The following WDR70 variants were observed in gnomAD, a reference collection of about 807,000 sequenced individuals.
The protein encoded by WDR70 is WD repeat domain 70.
WDR70 carries 53 observed loss-of-function variants against 88.6 expected under a neutral mutation model. That is an observed-to-expected ratio of 0.60 (90% CI 0.48 to 0.75). WDR70 has a LOEUF of 0.75. WDR70 is among the 30% of genes least tolerant of loss of function. The pLI is 0.00. For synonymous variants in WDR70, 280 were observed against 270.0 expected (o/e 1.04, Z -0.36); for missense variants, 610 against 823.2 (o/e 0.74, Z 3.17).
At chr5:37,698,780 T>G (rs1222792806) in intron 11 of WDR70, among the ~76,000 whole-genome samples, 1 of 152,198 alleles carries the variant, frequency 6.6e-6, no homozygotes, top group Non-Finnish European at 1.5e-5. Context: ...CCTGTCCTTT[T>G]ACCCTGGGGA....
chr5:37,462,004 G>A (rs1739020861), intron 7 of WDR70, among the ~76,000 whole-genome samples: 1 of 152,082 alleles, frequency 6.6e-6, no homozygotes, highest in Non-Finnish European at 1.5e-5. Context: ...TCTGGGAGGT[G>A]CTTTCCTAAT....
At chr5:37,641,411 CTTTTTTTTTTTTTT>C (rs70978833) in intron 10 of WDR70, among the ~76,000 whole-genome samples, 1 of 80,340 alleles carries the variant, frequency 1.2e-5, no homozygotes, top group East Asian at 3.8e-4. Context: ...TGTCCACATC[CTTTTTTTTTTTTTT>C]TTTTTTTTTA....
At chr5:37,610,056 C>G (rs748606008) in intron 10 of WDR70, among the ~76,000 whole-genome samples, 23 of 151,920 alleles carry the variant, frequency 1.5e-4, no homozygotes, top group Non-Finnish European at 3.4e-4. Context: ...TTTGGGAAAC[C>G]AAGGTGGGCA....
intron 12 of WDR70, among the ~76,000 whole-genome samples, chr5:37,702,211 A>G (rs561975618): frequency 6.6e-6 from 1 of 152,374 alleles, no homozygotes; most frequent in East Asian, 1.9e-4. Flanking sequence ...TAAAACGAAC[A>G]AACATGAGTT....
At chr5:37,414,781 ATTC>A (rs1749643056) in intron 5 of WDR70, among the ~76,000 whole-genome samples, 1 of 149,006 alleles carries the variant, frequency 6.7e-6, no homozygotes, top group Non-Finnish European at 1.5e-5. Flanking sequence ...AGTCACAATT[ATTC>A]TTTTTTTTTT....
chr5:37,655,319 T>G (rs1745521665), intron 10 of WDR70, among the ~76,000 whole-genome samples: 1 of 152,244 alleles, frequency 6.6e-6, no homozygotes, highest in African/African-American at 2.4e-5. Flanking sequence ...GCTGTTAGTC[T>G]GATGGGCTTC....
chr5:37,669,895 A>G (rs1221784418), intron 10 of WDR70, among the ~76,000 whole-genome samples: 1 of 152,260 alleles, frequency 6.6e-6, no homozygotes, highest in Non-Finnish European at 1.5e-5. Context: ...CAAAAACATT[A>G]CGCTAAATGA....
At chr5:37,422,162 C>T (rs1398070275) in intron 5 of WDR70, among the ~76,000 whole-genome samples, 1 of 151,992 alleles carries the variant, frequency 6.6e-6, no homozygotes, top group Non-Finnish European at 1.5e-5. Context: ...ATGATAGGCT[C>T]TTTAGAGATT....
At chr5:37,469,784 A>G (rs1220058500) in intron 7 of WDR70, among the ~76,000 whole-genome samples, 1 of 152,130 alleles carries the variant, frequency 6.6e-6, no homozygotes, top group Non-Finnish European at 1.5e-5. Context: ...GTGTGACCCC[A>G]TTTGACCTTT....
chr5:37,460,690 T>A (rs1216433411), intron 7 of WDR70, among the ~76,000 whole-genome samples: 51 of 121,520 alleles, frequency 4.2e-4, no homozygotes, highest in Non-Finnish European at 6.4e-4. Flanking sequence ...TAGAGTATAA[T>A]AAAAAAAAAC....
At chr5:37,741,816 G>A (rs189561599) in intron 17 of WDR70, among the ~76,000 whole-genome samples, 1 of 152,168 alleles carries the variant, frequency 6.6e-6, no homozygotes, top group Admixed American at 6.5e-5. Context: ...TTAACTCTAT[G>A]GATTTGACTA....
At chr5:37,748,796 A>G (rs1249865439) in intron 17 of WDR70, among the ~76,000 whole-genome samples, 4 of 152,240 alleles carry the variant, frequency 2.6e-5, no homozygotes, top group Non-Finnish European at 5.9e-5. Context: ...AAAGTGGGCA[A>G]AGGATATGAA....
chr5:37,608,068 G>A (rs1744086188), intron 10 of WDR70, among the ~76,000 whole-genome samples: 1 of 138,434 alleles, frequency 7.2e-6, no homozygotes. Context: ...TTGAGACGGA[G>A]TCTTGCTCTG....
At chr5:37,633,881 G>A (rs537544582) in intron 10 of WDR70, among the ~76,000 whole-genome samples, 43 of 152,190 alleles carry the variant, frequency 2.8e-4, no homozygotes, top group Non-Finnish European at 5.7e-4. Context: ...AACATATAGG[G>A]CTGTGTGTAT....
At chr5:37,640,812 A>T (rs532714585) in intron 10 of WDR70, among the ~76,000 whole-genome samples, 1 of 152,326 alleles carries the variant, frequency 6.6e-6, no homozygotes, top group South Asian at 2.1e-4. Context: ...TCAGTGATCT[A>T]AGCTAGAAAT....
chr5:37,692,338 A>G (rs537938753), intron 10 of WDR70, among the ~76,000 whole-genome samples: 118 of 152,316 alleles, frequency 7.7e-4, no homozygotes, highest in Non-Finnish European at 1.2e-3. Context: ...ATCAATGGAA[A>G]AAGAGGGAAT....
At position 37,620,838 on chromosome 5, in the gene WDR70, T is replaced by C. The variant is rs570744295; in HGVS notation, c.1092+15600T>C. Among the ~76,000 whole-genome samples the C allele has an allele frequency of 6.6e-5, 10 of 152,214 alleles. No homozygotes were observed. In the South Asian group the frequency reaches 2.1e-3, roughly 32 times the overall value. ...AAAGCCTACGCTTTGAAAACAGAAGTTGGACTAAAGAAATGAAAACAGAAA... is the reference window on the plus strand; with the variant it reads ...AAAGCCTACGCTTTGAAAACAGAAGCTGGACTAAAGAAATGAAAACAGAAA... On this transcript the variant is annotated intron_variant, in intron 10 of 17. Coordinates refer to ENST00000265107, the MANE Select transcript of WDR70 (RefSeq NM_018034.4).
intron 13 of WDR70, among the ~76,000 whole-genome samples, chr5:37,703,296 A>G (rs961677335): frequency 3.9e-5 from 6 of 152,162 alleles, no homozygotes; most frequent in Non-Finnish European, 1.5e-5. Context: ...CTATGGACCT[A>G]CACTTTAGTA....
chr5:37,514,341 T>C (rs1335262464), intron 8 of WDR70, among the ~76,000 whole-genome samples: 1 of 71,908 alleles, frequency 1.4e-5, no homozygotes, highest in African/African-American at 3.4e-5. Flanking sequence ...TAGAACTACA[T>C]ATATATATAT....
Sources: gnomAD v4.1 joint callset for allele counts (sites outside exome capture counted in the v4.1 genomes callset) on GRCh38, gnomAD v4.1.1 for gene constraint, MANE v1.5 for transcripts, NCBI Gene and HGNC (gene_info 2026-07-23, HGNC 2026-07-21) for gene names.